The following TPD52L1 variants were observed in gnomAD, a reference collection of about 807,000 sequenced individuals.
TPD52L1 encodes TPD52 like 1, also known as tumor protein D53.
TPD52L1 carries 18 observed loss-of-function variants against 28.7 expected under a neutral mutation model. The ratio of observed to expected loss-of-function variants is 0.63; its 90% CI spans 0.43 to 0.93. The LOEUF (loss-of-function observed/expected upper bound fraction) is 0.93, where lower values mean the gene tolerates loss of function less well. Ranked by LOEUF, TPD52L1 falls within the 40% of genes least tolerant of loss-of-function variation. The pLI, the probability that TPD52L1 is intolerant of heterozygous loss-of-function variation, is 0.00. For synonymous variants in TPD52L1, 75 were observed against 88.8 expected, an observed-to-expected ratio of 0.84 and a Z score of 0.88; for missense variants, 203 against 254.8, an observed-to-expected ratio of 0.80 and a Z score of 1.39.
At chr6:125,224,342 T>C (rs902025128) in intron 2 of TPD52L1, among the ~76,000 whole-genome samples, 6 of 152,226 alleles carry the variant, frequency 3.9e-5, no homozygotes, top group Non-Finnish European at 5.9e-5. Flanking sequence ...GTAAAGCCTA[T>C]TTTCATGCTC....
intron 1 of TPD52L1, among the ~76,000 whole-genome samples, chr6:125,199,833 C>T (rs1268771744): frequency 6.6e-6 from 1 of 152,148 alleles, no homozygotes; most frequent in Non-Finnish European, 1.5e-5. Flanking sequence ...CATAAAAATG[C>T]AGAAAATACA....
chr6:125,220,393 T>C (rs1164273683), intron 2 of TPD52L1, among the ~76,000 whole-genome samples, 200 bp downstream of exon 2: 3 of 152,236 alleles, frequency 2.0e-5, no homozygotes, highest in Non-Finnish European at 4.4e-5. Flanking sequence ...TTAGTTACAG[T>C]TGTAGAATGA....
intron 1 of TPD52L1, among the ~76,000 whole-genome samples, chr6:125,216,527 GTGTATATATATA>G (rs1380416794): frequency 0.018 from 712 of 40,188 alleles, 22 homozygotes; most frequent in African/African-American, 0.047. Context: ...CAGTATGTGT[GTGTATATATATA>G]TATATATATA....
intron 6 of TPD52L1, 65 bp from the exon 7 acceptor site, chr6:125,262,769 T>G: frequency 6.5e-7 from 1 of 1,537,436 alleles, no homozygotes; most frequent in South Asian, 1.3e-5. Flanking sequence ...TTTGGTATTC[T>G]TATAAAAACA....
At chr6:125,168,541 G>A (rs968705442) in intron 1 of TPD52L1, among the ~76,000 whole-genome samples, 2 of 146,806 alleles carry the variant, frequency 1.4e-5, no homozygotes, top group African/African-American at 5.0e-5. Flanking sequence ...TTTTTGAGAC[G>A]GAGTCTCGCT....
chr6:125,161,464 A>G (rs150782210), intron 1 of TPD52L1, among the ~76,000 whole-genome samples: 3 of 152,292 alleles, frequency 2.0e-5, no homozygotes, highest in East Asian at 3.9e-4. Flanking sequence ...CTTTTGATCT[A>G]TCTTGGCTTT....
chr6:125,155,372 A>G (rs1454033601), intron 1 of TPD52L1, among the ~76,000 whole-genome samples: 1 of 152,248 alleles, frequency 6.6e-6, no homozygotes, highest in Non-Finnish European at 1.5e-5. Flanking sequence ...GAACATGGGT[A>G]TATTTGAAAG....
chr6:125,192,750 G>A (rs1014298014), intron 1 of TPD52L1, among the ~76,000 whole-genome samples: 2 of 152,104 alleles, frequency 1.3e-5, no homozygotes, highest in Admixed American at 6.5e-5. Context: ...CTTTGGTGGC[G>A]GGCCTGAGTC....
chr6:125,247,739 A>G (rs186620557), intron 3 of TPD52L1, among the ~76,000 whole-genome samples: 1 of 152,340 alleles, frequency 6.6e-6, no homozygotes, highest in African/African-American at 2.4e-5. Flanking sequence ...AACTGTTTTG[A>G]AAAAAAGTCA....
intron 1 of TPD52L1, among the ~76,000 whole-genome samples, chr6:125,168,830 T>C (rs1436516987): frequency 6.6e-6 from 1 of 152,194 alleles, no homozygotes; most frequent in African/African-American, 2.4e-5. Context: ...TTATCCCTTC[T>C]CCCATACTGA....
Position 125,263,138 on chromosome 6 carries a change from T to G in TPD52L1, c.*176T>G. ...TTTCCATTTGTATTTGTGTTGATGA[T>G]GGACCACTTGACCATCACATTTCAG... On this transcript the variant is annotated 3_prime_UTR_variant, in exon 7 of 7. Transcript: ENST00000534000. 1 of 715,592 alleles carries G rather than the reference T, an allele frequency of 1.4e-6. No homozygotes were observed. Among genetic ancestry groups the G allele is most frequent in the Non-Finnish European group, 2.2e-6 (1 of 451,964 alleles). 44.3% of individuals were successfully genotyped at this position (715,592 alleles called of 1,614,324 possible).
At chr6:125,168,451 C>CAA (rs1791055601) in intron 1 of TPD52L1, among the ~76,000 whole-genome samples, 3 of 152,072 alleles carry the variant, frequency 2.0e-5, no homozygotes, top group African/African-American at 7.2e-5. Flanking sequence ...CCTCTCTTCT[C>CAA]AGTCCCCTCT....
At chr6:125,234,158 T>C (rs1406346692) in intron 3 of TPD52L1, among the ~76,000 whole-genome samples, 5 of 152,246 alleles carry the variant, frequency 3.3e-5, no homozygotes, top group African/African-American at 1.2e-4. Context: ...CTGCCATTGC[T>C]TTAAAAAACA....
intron 1 of TPD52L1, among the ~76,000 whole-genome samples, chr6:125,176,762 G>A (rs1290632289): frequency 6.6e-6 from 1 of 152,172 alleles, no homozygotes; most frequent in Non-Finnish European, 1.5e-5. Context: ...GCAGCCTGAT[G>A]TGGTGACTCA....
chr6:125,197,431 T>C (rs1793514871), intron 1 of TPD52L1, among the ~76,000 whole-genome samples: 1 of 152,196 alleles, frequency 6.6e-6, no homozygotes. Context: ...TAACTTTTCT[T>C]ATTTTTCGGC....
chr6:125,249,459 C>T (rs889956579), intron 4 of TPD52L1, among the ~76,000 whole-genome samples: 2 of 151,462 alleles, frequency 1.3e-5, no homozygotes, highest in Non-Finnish European at 2.9e-5. Context: ...CAGGTGGATC[C>T]CTTGAGGTCA....
At chr6:125,180,593 C>T (rs1792125848) in intron 1 of TPD52L1, among the ~76,000 whole-genome samples, 1 of 151,676 alleles carries the variant, frequency 6.6e-6, no homozygotes, top group Admixed American at 6.6e-5. Context: ...CACACACACA[C>T]ACTCACACAC....
chr6:125,172,173 CTTT>C (rs1186127790), intron 1 of TPD52L1, among the ~76,000 whole-genome samples: 29 of 111,194 alleles, frequency 2.6e-4, no homozygotes, highest in African/African-American at 1.1e-3. Flanking sequence ...TTCTTTCTTT[CTTT>C]CTTTCTTTCT....
intron 4 of TPD52L1, chr6:125,252,127 T>C: frequency 7.0e-7 from 1 of 1,422,200 alleles, no homozygotes; most frequent in Non-Finnish European, 9.6e-7. Flanking sequence ...ACACTGTGCC[T>C]GAACCAACAA....
Sources: gnomAD v4.1 joint callset for allele counts (sites outside exome capture counted in the v4.1 genomes callset) on GRCh38, gnomAD v4.1.1 for gene constraint, MANE v1.5 for transcripts, NCBI Gene and HGNC (gene_info 2026-07-23, HGNC 2026-07-21) for gene names.